Variants in GINM1 observed in about 807,000 individuals in gnomAD.
GINM1 encodes the protein glycoprotein integral membrane protein 1.
A neutral mutation model predicts 37.8 loss-of-function variants in GINM1; 29 were observed. The ratio of observed to expected loss-of-function variants is 0.77; its 90% confidence interval spans 0.57 to 1.05. The LOEUF (loss-of-function observed/expected upper bound fraction) is 1.05. Among genes scored for constraint, GINM1 ranks in the 50% least tolerant of loss-of-function variants. GINM1 has a pLI of 0.00. For synonymous variants in GINM1, 143 were observed against 146.2 expected (o/e 0.98, Z 0.16); for missense variants, 377 against 397.9 (o/e 0.95, Z 0.45).
At chr6:149,570,182 A>G (rs1777794446) in intron 1 of GINM1, among the ~76,000 whole-genome samples, 3 of 106,588 alleles carry the variant, frequency 2.8e-5, no homozygotes, top group Non-Finnish European at 5.8e-5. Flanking sequence ...ATATATATAT[A>G]TATATATATA....
chr6:149,579,824 T>C lies in GINM1; in HGVS notation c.430-10T>C. On this transcript the variant is annotated splice_polypyrimidine_tract_variant and intron_variant, in intron 4 of 7. Coordinates refer to ENST00000367419, the MANE Select transcript of GINM1 (RefSeq NM_138785.5). ...TTTAAAATAAAGAATAATTATATTT[T>C]CTTTCACAGGTTCAGCAAAAGGATG... 6.5e-7 allele frequency: 1 copy of C among 1,542,524 alleles called. No individual in the cohort carries two copies. Among genetic ancestry groups the C allele is most frequent in the Non-Finnish European group, 8.8e-7 (1 of 1,139,330 alleles).
chr6:149,584,614 A>G (rs896576320), intron 7 of GINM1: 9 of 152,142 alleles, frequency 5.9e-5, no homozygotes, highest in Non-Finnish European at 1.3e-4. Context: ...CCTTTCTGAT[A>G]TAGAAATATC....
At chr6:149,575,079 A>G (rs1777894398) in intron 3 of GINM1, among the ~76,000 whole-genome samples, 2 of 152,086 alleles carry the variant, frequency 1.3e-5, no homozygotes, top group Non-Finnish European at 2.9e-5. Context: ...CATCATAGTT[A>G]CCTTTTTCAT....
chr6:149,584,866 G>A (rs1778047466), intron 7 of GINM1, among the ~76,000 whole-genome samples: 1 of 151,404 alleles, frequency 6.6e-6, no homozygotes, highest in Non-Finnish European at 1.5e-5. Context: ...TTGCTATGTT[G>A]GCTAGGTTGG....
intron 6 of GINM1, chr6:149,582,215 A>G (rs1035137088): frequency 1.7e-6 from 1 of 584,918 alleles, no homozygotes; most frequent in Non-Finnish European, 3.2e-6. Flanking sequence ...TATTGTTAGA[A>G]CATAATTTTT....
At chr6:149,583,548 G>C (rs1778030886) in intron 7 of GINM1, among the ~76,000 whole-genome samples, 2 of 151,362 alleles carry the variant, frequency 1.3e-5, no homozygotes, top group African/African-American at 4.9e-5. Context: ...AGAATCGCTT[G>C]AACCCGGAAG....
intron 3 of GINM1, among the ~76,000 whole-genome samples, 190 bp downstream of exon 3, chr6:149,572,793 C>T (rs1777849903): frequency 6.6e-6 from 1 of 152,150 alleles, no homozygotes; most frequent in South Asian, 2.1e-4. Context: ...TCCAAAGTAG[C>T]TGGGACTGCA....
chr6:149,583,027 T>C (rs1268761097), intron 7 of GINM1, among the ~76,000 whole-genome samples: 2 of 152,058 alleles, frequency 1.3e-5, no homozygotes, highest in Non-Finnish European at 2.9e-5. Context: ...TTGTTTGTAA[T>C]AGAAAATAAA....
chr6:149,573,899 G>C (rs753996656), intron 3 of GINM1, among the ~76,000 whole-genome samples: 1 of 151,364 alleles, frequency 6.6e-6, no homozygotes, highest in Non-Finnish European at 1.5e-5. Context: ...TGATTATCTA[G>C]TATTCAGTTT....
At chr6:149,582,384 A>G (rs1778015169) in intron 6 of GINM1, 56 bp from the exon 7 acceptor site, 2 of 1,421,016 alleles carry the variant, frequency 1.4e-6, no homozygotes, top group Admixed American at 4.3e-5. Flanking sequence ...AAAAATTTAA[A>G]GTTTATTCTT....
chr6:149,568,454 G>GT (rs1777756185), intron 1 of GINM1, among the ~76,000 whole-genome samples: 1 of 152,248 alleles, frequency 6.6e-6, no homozygotes, highest in Non-Finnish European at 1.5e-5. Context: ...TGCCTTGATG[G>GT]TTATGTCTTT....
chr6:149,581,565 T>C (rs1304772411), intron 6 of GINM1, among the ~76,000 whole-genome samples: 1 of 152,220 alleles, frequency 6.6e-6, no homozygotes, highest in African/African-American at 2.4e-5. Flanking sequence ...TGAATAGCAG[T>C]GTAAAGTAGT....
intron 3 of GINM1, 145 bp from the exon 4 acceptor site, chr6:149,578,677 C>A: frequency 1.9e-6 from 1 of 519,356 alleles, no homozygotes. Context: ...AAATCTGAAA[C>A]AGCATTGAGG....
At position 149,566,648 on chromosome 6, in the gene GINM1, G is replaced by GCC; in HGVS notation, c.120+118_120+119dup. ...CCGGCGGGCAGGGGCGGGGGTCCGGGCCCCCGAAGGAGGTGTGGGGAGAAG... is the reference window on the plus strand; with the variant it reads ...CCGGCGGGCAGGGGCGGGGGTCCGGGCCCCCCCGAAGGAGGTGTGGGGAGAAG... On this transcript the variant is annotated intron_variant, in intron 1 of 7. Coordinates refer to ENST00000367419, the MANE Select transcript of GINM1 (RefSeq NM_138785.5). This position sits in a 1 kb window ranked among gnomAD's most constrained non-coding sequence, Gnocchi z 4.4. 1 of 1,321,120 alleles carries GCC rather than the reference G, an allele frequency of 7.6e-7. No individual in the cohort carries two copies. Among genetic ancestry groups the GCC allele is most frequent in the Non-Finnish European group, 9.8e-7 (1 of 1,018,562 alleles). The allele number at this position is 1,321,120 out of a possible 1,614,324, so 81.8% of individuals were successfully genotyped here. A position where few individuals can be genotyped will look rare whatever the true frequency, so the allele number is the denominator to read the frequency against.
chr6:149,582,012 A>G (rs1455309542), intron 6 of GINM1: 1 of 471,030 alleles, frequency 2.1e-6, no homozygotes, highest in South Asian at 1.6e-5. Flanking sequence ...CATGTATTCT[A>G]AAATTTTCTA....
At chr6:149,568,618 T>C (rs1352267168) in intron 1 of GINM1, among the ~76,000 whole-genome samples, 2 of 152,244 alleles carry the variant, frequency 1.3e-5, no homozygotes, top group Admixed American at 1.3e-4. Flanking sequence ...TATTGAACAG[T>C]GCAGAACCAG....
At chr6:149,586,446 G>C (rs1267351980) in intron 7 of GINM1, among the ~76,000 whole-genome samples, 5 of 152,098 alleles carry the variant, frequency 3.3e-5, no homozygotes, top group Non-Finnish European at 7.4e-5. Context: ...TCCAACATAG[G>C]GGATTAAATT....
At chr6:149,590,241 A>G (rs2115064821) in intron 7 of GINM1, among the ~76,000 whole-genome samples, 1 of 152,280 alleles carries the variant, frequency 6.6e-6, no homozygotes, top group East Asian at 1.9e-4. Flanking sequence ...GGTTCTATAA[A>G]CAACTAACCC....
chr6:149,586,213 A>C (rs1163290081), intron 7 of GINM1, among the ~76,000 whole-genome samples: 1 of 152,204 alleles, frequency 6.6e-6, no homozygotes, highest in Non-Finnish European at 1.5e-5. Context: ...TGAGGTCCTC[A>C]GGCTGCTTCC....
Sources: allele counts gnomAD v4.1 joint callset (sites outside exome capture counted in the v4.1 genomes callset), GRCh38; gene constraint gnomAD v4.1.1; non-coding constraint Gnocchi (gnomAD v3.1); transcripts MANE v1.5; gene names NCBI Gene and HGNC (gene_info 2026-07-23, HGNC 2026-07-21).